Variants in JHY observed in about 807,000 individuals in gnomAD.
The protein encoded by JHY is jhy protein homolog.
Under a neutral mutation model 78.0 loss-of-function variants are expected in JHY, and 69 were observed. The observed-to-expected ratio is 0.88, with a 90% CI of 0.73 to 1.08. The LOEUF (loss-of-function observed/expected upper bound fraction) is 1.08, where lower values mean the gene tolerates loss of function less well. Ranked by LOEUF, JHY falls within the 50% of genes least tolerant of loss-of-function variation. The pLI is 0.00. For synonymous variants in JHY, 368 were observed against 342.6 expected (o/e 1.07, Z -0.82); for missense variants, 944 against 927.8 (o/e 1.02, Z -0.23).
Position 122,959,351 on chromosome 11 carries a change from G to A in JHY, c.2243G>A (p.Ser748Asn), listed in dbSNP as rs533455992. ...CCAACCTATGCTGGGAAAGAAGAAA[G>A]TTTACCTGAAATCTCACTGCTGGAA... is the stretch of plus-strand genomic sequence containing the variant. Reference protein sequence around the residue: ...KNPTYAGKEESLPEISLLEIL... With the variant: ...KNPTYAGKEENLPEISLLEIL... The change falls in exon 9 of 9, where the codon AGT (serine) becomes AAT (asparagine). Residue 748 changes from serine (S) to asparagine (N), a missense_variant. Ser to Asn is a conservative substitution (Grantham distance 46). Coordinates refer to ENST00000227349, the MANE Select transcript of JHY (RefSeq NM_024806.4). The A allele has an allele frequency of 1.2e-6, 2 of 1,614,122 alleles. No individual in the cohort carries two copies. Among genetic ancestry groups the A allele is most frequent in the South Asian group, 1.1e-5 (1 of 91,078 alleles).
chr11:122,952,639 A>G (rs1864113164), intron 6 of JHY, among the ~76,000 whole-genome samples: 1 of 152,214 alleles, frequency 6.6e-6, no homozygotes, highest in Non-Finnish European at 1.5e-5. Context: ...GTTAATAGTA[A>G]GAACTGTGGC....
In JHY at chr11:122,961,174, C is replaced by T. The variant is rs7115651; in HGVS notation, c.*1729C>T. 264,238 of 553,600 alleles carry T rather than the reference C, an allele frequency of 0.48. 66,077 individuals carry two copies. Among genetic ancestry groups the T allele is most frequent in the Non-Finnish European group, 0.54 (159,874 of 295,274 alleles). 34.3% of individuals were successfully genotyped at this position (553,600 alleles called of 1,614,324 possible). A position where few individuals can be genotyped will look rare whatever the true frequency, so the allele number is the denominator to read the frequency against. ...ATGTGGCAAAATCTTTCTGTATTGC[C>T]CTCTACTGAAGTAGATAGTTTATAT... On this transcript the variant is annotated 3_prime_UTR_variant, in exon 9 of 9. Coordinates refer to ENST00000227349, the MANE Select transcript of JHY (RefSeq NM_024806.4).
At chr11:122,951,385 A>G (rs1864080261) in intron 6 of JHY, among the ~76,000 whole-genome samples, 1 of 152,222 alleles carries the variant, frequency 6.6e-6, no homozygotes, top group Non-Finnish European at 1.5e-5. Context: ...TGAAGTAATT[A>G]ACTCATGTGT....
At chr11:122,889,616 A>G (rs1862567491) in intron 2 of JHY, among the ~76,000 whole-genome samples, 1 of 152,206 alleles carries the variant, frequency 6.6e-6, no homozygotes, top group Admixed American at 6.5e-5. Context: ...GGAGTCCTGG[A>G]AACACTCCCT....
intron 5 of JHY, among the ~76,000 whole-genome samples, chr11:122,939,000 T>G (rs1863814879): frequency 6.6e-6 from 1 of 151,266 alleles, no homozygotes; most frequent in African/African-American, 2.4e-5. Context: ...TTTTTTTTTT[T>G]TTTCCGGAGA....
At position 122,904,299 on chromosome 11, in the gene JHY, T is replaced by G. The variant is rs761018780; in HGVS notation, c.719T>G (p.Leu240Arg). The change falls in exon 3 of 9, where the codon CTG (leucine) becomes CGG (arginine). Residue 240 changes from leucine to arginine, a missense_variant. By Grantham distance (102) the Leu-to-Arg change is moderately radical. Transcript: ENST00000227349. Reference protein sequence around the residue: ...KSSSSHNEVFLPGSRGPRRRK... With the variant: ...KSSSSHNEVFRPGSRGPRRRK... ...TCAAGTTCACATAACGAGGTTTTCCTGCCGGGATCACGTGGCCCTCGGCGA... is the reference window on the plus strand; with the variant it reads ...TCAAGTTCACATAACGAGGTTTTCCGGCCGGGATCACGTGGCCCTCGGCGA... 1.2e-5 allele frequency: 19 copies of G among 1,614,050 alleles called. No individual in the cohort carries two copies. The highest frequency in any genetic ancestry group is 5.3e-5 in the African/African-American group (4 of 74,922).
rs1333680679 is a variant in JHY, at chr11:122,962,975, A to G, written c.*3530A>G. Among the ~76,000 whole-genome samples, 2 of 151,994 alleles carry G rather than the reference A, an allele frequency of 1.3e-5. No individual in the cohort carries two copies. Among genetic ancestry groups the G allele is most frequent in the Admixed American group, 1.3e-4 (2 of 15,252 alleles). On this transcript the variant is annotated 3_prime_UTR_variant, in exon 9 of 9. Coordinates refer to ENST00000227349, the MANE Select transcript of JHY (RefSeq NM_024806.4). Reference sequence around the variant, plus strand: ...GATGAGCAACATATAGTTGCTATGAATTTCTATTTTGGACCTGAATTTCCA... The same window carrying G: ...GATGAGCAACATATAGTTGCTATGAGTTTCTATTTTGGACCTGAATTTCCA...
At chr11:122,924,824 A>G in intron 3 of JHY, 73 bp from the exon 4 acceptor site, 5 of 1,210,208 alleles carry the variant, frequency 4.1e-6, no homozygotes, top group Non-Finnish European at 6.0e-6. Context: ...TCTAGAGTGC[A>G]CAGACTTGAG....
At position 122,963,156 on chromosome 11, in the gene JHY, TTC is replaced by T. The variant is rs1026269818; in HGVS notation, c.*3713_*3714del. ...ACCAATAAAAGAGACACTATTTATT[TTC>T]TTTTTTTTTTCCAGAACATTTCAAA... On this transcript the variant is annotated 3_prime_UTR_variant, in exon 9 of 9. Coordinates refer to ENST00000227349, the MANE Select transcript of JHY (RefSeq NM_024806.4). Among the ~76,000 whole-genome samples, 81 of 151,994 alleles carry T rather than the reference TTC, an allele frequency of 5.3e-4. No individual in the cohort carries two copies. Among genetic ancestry groups the T allele is most frequent in the African/African-American group, 1.8e-3 (76 of 41,560 alleles).
At chr11:122,936,396 G>A (rs139416933) in intron 5 of JHY, among the ~76,000 whole-genome samples, 350 of 151,638 alleles carry the variant, frequency 2.3e-3, no homozygotes, top group African/African-American at 7.9e-3. Context: ...CTTCCTAGAA[G>A]AGATAATGAT....
rs752972460 is a variant in JHY at position 122,934,764 on chromosome 11, A to C, written c.1323A>C (p.Thr441=). The change falls in exon 5 of 9, where the codon ACA becomes ACC. Residue 441 remains threonine (T), a synonymous_variant. Coordinates refer to ENST00000227349, the MANE Select transcript of JHY (RefSeq NM_024806.4). ...RSHNLKETSN[T]FAPPKQAFDK... ...ACAATCTCAAAGAAACCTCCAATAC[A>C]TTTGCTCCACCAAAACAGGCTTTTG... 1.2e-6 allele frequency: 2 copies of C among 1,614,178 alleles called. No homozygotes were observed. The highest frequency in any genetic ancestry group is 1.3e-5 in the African/African-American group (1 of 75,034).
At chr11:122,918,416 G>C (rs577552203) in intron 3 of JHY, among the ~76,000 whole-genome samples, 36 of 151,598 alleles carry the variant, frequency 2.4e-4, no homozygotes, top group Admixed American at 2.0e-3. Flanking sequence ...GCTAAGGATT[G>C]CTGAGGTGTT....
chr11:122,953,263 T>G (rs1319751047), intron 6 of JHY, among the ~76,000 whole-genome samples: 1 of 152,004 alleles, frequency 6.6e-6, no homozygotes, highest in Non-Finnish European at 1.5e-5. Flanking sequence ...AAAATATATA[T>G]ATACTGACAG....
At chr11:122,953,796 C>A (rs1309986055) in intron 6 of JHY, among the ~76,000 whole-genome samples, 1 of 152,064 alleles carries the variant, frequency 6.6e-6, no homozygotes, top group Non-Finnish European at 1.5e-5. Flanking sequence ...CTTCTGCATA[C>A]TTTAATGTTA....
chr11:122,909,274 C>A (rs1863061753), intron 3 of JHY, among the ~76,000 whole-genome samples: 1 of 152,118 alleles, frequency 6.6e-6, no homozygotes, highest in Non-Finnish European at 1.5e-5. Context: ...ATTAGTATAA[C>A]CAGTACGGAG....
rs1864345510 is a variant in JHY, at chr11:122,963,041, A to G, written c.*3596A>G. On this transcript the variant is annotated 3_prime_UTR_variant, in exon 9 of 9. Transcript: ENST00000227349. ...AGAAATATGCATTACTATGTACCTA[A>G]TAGTTTTTTAGCATGTACAATCTGC... Among the ~76,000 whole-genome samples the G allele has an allele frequency of 8.7e-6, 1 of 115,138 alleles. No individual in the cohort carries two copies. Among genetic ancestry groups the G allele is most frequent in the Non-Finnish European group, 2.2e-5 (1 of 46,314 alleles). 75.5% of individuals were successfully genotyped at this position (115,138 alleles called of 152,430 possible).
chr11:122,935,219 A>T lies in JHY; in HGVS notation c.1634+144A>T. The stretch of plus-strand genomic sequence containing the variant: ...TCACCTAACAACTTCCTTAGCTCTG[A>T]TTCCTGCCTCAAAGAGTCCACTTTT... On this transcript the variant is annotated intron_variant, in intron 5 of 8. Transcript: ENST00000227349. This position sits in a 1 kb window ranked among gnomAD's most constrained non-coding sequence, Gnocchi z 4.5. 2 of 655,916 alleles carry T rather than the reference A, an allele frequency of 3.0e-6. No homozygotes were observed. The highest frequency in any genetic ancestry group is 4.8e-6 in the Non-Finnish European group (2 of 417,050). 40.6% of individuals were successfully genotyped at this position (655,916 alleles called of 1,614,324 possible).
chr11:122,906,371 T>C (rs1173642014), intron 3 of JHY, among the ~76,000 whole-genome samples: 1 of 152,074 alleles, frequency 6.6e-6, no homozygotes, highest in Non-Finnish European at 1.5e-5. Flanking sequence ...TTTTTAAATG[T>C]CTTTATAGAG....
intron 4 of JHY, among the ~76,000 whole-genome samples, chr11:122,927,833 C>T (rs1021074134): frequency 5.3e-5 from 8 of 151,140 alleles, no homozygotes; most frequent in Non-Finnish European, 1.0e-4. Flanking sequence ...TGGGTTCAAG[C>T]GATTCTCCTG....
Sources: gnomAD v4.1 joint callset for allele counts (sites outside exome capture counted in the v4.1 genomes callset) on GRCh38, gnomAD v4.1.1 for gene constraint, Gnocchi (gnomAD v3.1) non-coding constraint, MANE v1.5 for transcripts, NCBI Gene and HGNC (gene_info 2026-07-23, HGNC 2026-07-21) for gene names.